OR3A2: variants seen among roughly 807,000 people sequenced by gnomAD.
The protein encoded by OR3A2 is olfactory receptor family 3 subfamily A member 2, also known as olfactory receptor 3A2.
For synonymous variants in OR3A2, 126 were observed against 159.3 expected, an observed-to-expected ratio of 0.79 and a Z score of 1.57; for missense variants, 318 against 392.8, an observed-to-expected ratio of 0.81 and a Z score of 1.61.
chr17:3,369,441 A>C (rs2049592487), intron 2 of OR3A2, among the ~76,000 whole-genome samples: 1 of 152,214 alleles, frequency 6.6e-6, no homozygotes. Context: ...GGTTTTAATC[A>C]TAAAAGGATG....
intron 2 of OR3A2, among the ~76,000 whole-genome samples, chr17:3,338,047 GT>G (rs2049286233): frequency 6.6e-6 from 1 of 152,146 alleles, no homozygotes; most frequent in African/African-American, 2.4e-5. Context: ...ATTTTTTCAC[GT>G]GCTGTTGGCT....
chr17:3,319,908 G>A (rs1456688293), intron 3 of OR3A2, among the ~76,000 whole-genome samples: 3 of 152,166 alleles, frequency 2.0e-5, no homozygotes, highest in Non-Finnish European at 2.9e-5. Flanking sequence ...TGGGATGGCT[G>A]GGTCAAATGG....
intron 3 of OR3A2, among the ~76,000 whole-genome samples, chr17:3,331,168 T>G (rs1246980426): frequency 1.3e-5 from 2 of 152,162 alleles, no homozygotes; most frequent in Admixed American, 6.6e-5. Flanking sequence ...TTGTTCAACT[T>G]CGGTGAATCT....
chr17:3,300,026 G>A (rs9893159), intron 3 of OR3A2, among the ~76,000 whole-genome samples: 1,960 of 151,808 alleles, frequency 0.013, 31 homozygotes, highest in African/African-American at 0.044. Context: ...TTTGAGGCTC[G>A]GGGAAGTTTA....
At position 3,382,210 on chromosome 17, in the gene OR3A2, C is replaced by T. The variant is rs567278971; in HGVS notation, c.-179+1594G>A. On this transcript the variant is annotated intron_variant, in intron 2 of 4. Transcript: ENST00000573491. The stretch of plus-strand genomic sequence containing the variant: ...ATGCTGGAAAGCTCTGGATGTGTGG[C>T]TGAGCCACCGGCACTCTATCTAACA... Among the ~76,000 whole-genome samples, 4 of 152,268 alleles carry T rather than the reference C, an allele frequency of 2.6e-5. No individual in the cohort carries two copies. In the South Asian group the frequency reaches 8.3e-4, roughly 32 times the overall value.
chr17:3,280,003 A>T (rs2048767058), intron 1 of OR3A2, among the ~76,000 whole-genome samples: 1 of 152,202 alleles, frequency 6.6e-6, no homozygotes. Context: ...TGTTATTGTT[A>T]CTTAAGCCCC....
chr17:3,308,666 G>C (rs2049016737), intron 3 of OR3A2, among the ~76,000 whole-genome samples: 2 of 152,130 alleles, frequency 1.3e-5, no homozygotes, highest in South Asian at 4.1e-4. Flanking sequence ...GAGAGACTGA[G>C]TTTGAGGTAA....
intron 3 of OR3A2, among the ~76,000 whole-genome samples, chr17:3,322,701 C>G: frequency 6.6e-6 from 1 of 152,108 alleles, no homozygotes; most frequent in Non-Finnish European, 1.5e-5. Context: ...TTTCTTAATT[C>G]TGAGTTCTAG....
At chr17:3,291,829 C>T (rs202247230) in intron 3 of OR3A2, 1 of 1,613,762 alleles carries the variant, frequency 6.2e-7, no homozygotes, top group South Asian at 1.1e-5. Flanking sequence ...TAGAATATGG[C>T]AACCACAGTG....
intron 3 of OR3A2, among the ~76,000 whole-genome samples, chr17:3,324,140 T>C (rs1357027434): frequency 6.6e-6 from 1 of 152,114 alleles, no homozygotes; most frequent in Admixed American, 6.6e-5. Flanking sequence ...TTTCTTCCAG[T>C]TGATCGCATC....
intron 2 of OR3A2, among the ~76,000 whole-genome samples, chr17:3,345,392 C>T (rs988261087): frequency 6.8e-6 from 1 of 148,080 alleles, no homozygotes; most frequent in African/African-American, 2.5e-5. Context: ...AGAGAGAGTA[C>T]AAGACCAAAA....
At chr17:3,315,517 C>T (rs1174664135) in intron 3 of OR3A2, among the ~76,000 whole-genome samples, 1 of 151,886 alleles carries the variant, frequency 6.6e-6, no homozygotes, top group Non-Finnish European at 1.5e-5. Context: ...TGTTCTTTGC[C>T]CATTTTTTAA....
At chr17:3,297,442 A>T (rs2048928237) in intron 3 of OR3A2, among the ~76,000 whole-genome samples, 1 of 151,932 alleles carries the variant, frequency 6.6e-6, no homozygotes, top group South Asian at 2.1e-4. Flanking sequence ...TTTATCTGGA[A>T]CATCCTCTAA....
chr17:3,351,945 C>G (rs1255953297), intron 2 of OR3A2, among the ~76,000 whole-genome samples: 1 of 151,966 alleles, frequency 6.6e-6, no homozygotes, highest in Non-Finnish European at 1.5e-5. Context: ...GGATTCCCTA[C>G]TTAATAAATG....
chr17:3,335,762 A>G (rs1193845878), intron 3 of OR3A2, among the ~76,000 whole-genome samples: 1 of 152,162 alleles, frequency 6.6e-6, no homozygotes, highest in Non-Finnish European at 1.5e-5. Flanking sequence ...CCCAGGAAGA[A>G]AAAGTCTGAC....
rs1239378152 is a variant in OR3A2 at position 3,354,544 on chromosome 17, G to C, written c.-178-18418C>G. Among the ~76,000 whole-genome samples, 5 of 151,118 alleles carry C rather than the reference G, an allele frequency of 3.3e-5. No homozygotes were observed. The East Asian group carries it at 9.6e-4, about 29-fold the overall frequency. ...TGTGTCTAGATTTTTGAATTTATTG[G>C]CATATGGTTGCTAATAGTAGTCACT... On this transcript the variant is annotated intron_variant, in intron 2 of 4. Coordinates refer to the OR3A2 transcript ENST00000573491.
intron 1 of OR3A2, among the ~76,000 whole-genome samples, chr17:3,281,294 C>T (rs940908727): frequency 2.1e-4 from 31 of 149,538 alleles, no homozygotes; most frequent in African/African-American, 7.5e-4. Flanking sequence ...AGTGCAGTGG[C>T]ACGATCTCGG....
chr17:3,372,193 G>A (rs230398), intron 2 of OR3A2, among the ~76,000 whole-genome samples: 59,817 of 147,670 alleles, frequency 0.41, 12,522 homozygotes, highest in Admixed American at 0.52. Context: ...ACGGGGCAGC[G>A]GGGCAGAGGC....
At chr17:3,305,775 T>C (rs1204563647) in intron 3 of OR3A2, among the ~76,000 whole-genome samples, 2 of 152,238 alleles carry the variant, frequency 1.3e-5, no homozygotes, top group East Asian at 3.8e-4. Flanking sequence ...TAAAATTCTA[T>C]TAAATATCAT....
Sources: gnomAD v4.1 joint callset for allele counts (sites outside exome capture counted in the v4.1 genomes callset) on GRCh38, gnomAD v4.1.1 for gene constraint, MANE v1.5 for transcripts, NCBI Gene and HGNC (gene_info 2026-07-23, HGNC 2026-07-21) for gene names.